The following PMS2 variants were observed in gnomAD, a reference collection of about 807,000 sequenced individuals.
The protein encoded by PMS2 is mismatch repair endonuclease PMS2.
PMS2 carries 69 observed loss-of-function variants against 90.0 expected under a neutral mutation model. The ratio of observed to expected loss-of-function variants is 0.77; its 90% confidence interval spans 0.63 to 0.94. The LOEUF (loss-of-function observed/expected upper bound fraction) is 0.94, where lower values mean the gene tolerates loss of function less well. Among genes scored for constraint, PMS2 ranks in the 40% least tolerant of loss-of-function variants. PMS2 has a pLI of 0.00. For missense variants in PMS2, 966 were observed against 1,040.2 expected, an observed-to-expected ratio of 0.93 and a Z score of 0.98; for synonymous variants, 332 against 375.1, an observed-to-expected ratio of 0.89 and a Z score of 1.33.
chr7:5,972,922 C>G lies in PMS2; in HGVS notation c.*477G>C. The stretch of plus-strand genomic sequence containing the variant: ...GCAGTGGCGCAATCTCGGTTCACTG[C>G]AACCTCCGTCTCCCGGGTTCAAGCG... On this transcript the variant is annotated 3_prime_UTR_variant, in exon 15 of 15. Coordinates refer to ENST00000265849, the MANE Select transcript of PMS2 (RefSeq NM_000535.7). Among the ~76,000 whole-genome samples, 1 of 73,670 alleles carries G rather than the reference C, an allele frequency of 1.4e-5. No homozygotes were observed. The highest frequency in any genetic ancestry group is 2.6e-5 in the Non-Finnish European group (1 of 38,050). 48.3% of individuals were successfully genotyped at this position (73,670 alleles called of 152,430 possible). A position where few individuals can be genotyped will look rare whatever the true frequency, so the allele number is the denominator to read the frequency against.
In PMS2 at chr7:6,005,958, G is replaced by A. The variant is rs878854061; in HGVS notation, c.97C>T (p.Leu33=). The A allele has an allele frequency of 5.6e-6, 9 of 1,610,802 alleles. No individual in the cohort carries two copies. The highest frequency in any genetic ancestry group is 7.6e-6 in the Non-Finnish European group (9 of 1,179,822). Residue 33 remains leucine, a synonymous_variant, in exon 2 of 15, where the codon CTG becomes TTG. Coordinates refer to ENST00000265849, the MANE Select transcript of PMS2 (RefSeq NM_000535.7). ...VHQICSGQVV[L]SLSTAVKELV... ...TCCTTTACCGCAGTGCTTAGACTCA[G>A]TACCACCTGCCCAGAGCAAATCTGA...
At chr7:5,999,499 G>A (rs1562680312) in intron 5 of PMS2, among the ~76,000 whole-genome samples, 1 of 152,030 alleles carries the variant, frequency 6.6e-6, no homozygotes, top group Non-Finnish European at 1.5e-5. Flanking sequence ...AATGTGCCAT[G>A]CATCCTGGTA....
Position 5,984,393 on chromosome 7 carries a change from C to T in PMS2, c.2007-1402G>A, listed in dbSNP as rs988659084. Among the ~76,000 whole-genome samples, 2 of 151,830 alleles carry T rather than the reference C, an allele frequency of 1.3e-5. 1 individual carries two copies. Among genetic ancestry groups the T allele is most frequent in the African/African-American group, 4.9e-5 (2 of 41,108 alleles). ...TGACACTGTCATTCTCAGTCCCACA[C>T]AATTAAATCCGGTGAAAATGGATTT... On this transcript the variant is annotated intron_variant, in intron 11 of 14. Transcript: ENST00000265849.
intron 9 of PMS2, among the ~76,000 whole-genome samples, chr7:5,991,152 T>A (rs541254901): frequency 9.9e-5 from 15 of 152,258 alleles, no homozygotes; most frequent in African/African-American, 3.6e-4. Context: ...CATTGGAATA[T>A]AATTCACCTA....
intron 12 of PMS2, among the ~76,000 whole-genome samples, chr7:5,982,293 C>T (rs1286906529): frequency 6.6e-6 from 1 of 152,092 alleles, no homozygotes; most frequent in Non-Finnish European, 1.5e-5. Context: ...GCAAACTCCG[C>T]CTCCCGGGTT....
chr7:6,002,649 A>G lies in PMS2; in HGVS notation c.354-13T>C, dbSNP rs1785236314. The G allele has an allele frequency of 2.5e-6, 4 of 1,607,562 alleles. No individual in the cohort carries two copies. The highest frequency in any genetic ancestry group is 3.4e-6 in the Non-Finnish European group (4 of 1,175,908). On this transcript the variant is annotated splice_polypyrimidine_tract_variant and intron_variant, in intron 4 of 14. Transcript: ENST00000265849. ...AATGGTGACATCGCTGTGAGAGAAT[A>G]CCAGGCATGGTGTGTTCAGTGAGAG...
chr7:5,994,411 A>T (rs551834167), intron 8 of PMS2, among the ~76,000 whole-genome samples: 1 of 151,654 alleles, frequency 6.6e-6, no homozygotes, highest in Admixed American at 6.6e-5. Context: ...ACAACAAAAA[A>T]AACTGTACAC....
chr7:5,993,429 A>ATGT (rs10686447), intron 8 of PMS2, among the ~76,000 whole-genome samples: 143,215 of 147,804 alleles, frequency 0.97, 69,426 homozygotes, highest in African/African-American at 0.99. Context: ...CTGAGGTACA[A>ATGT]TGTGTTGCTA....
chr7:5,984,189 C>T (rs1782608304), intron 11 of PMS2, among the ~76,000 whole-genome samples: 1 of 151,822 alleles, frequency 6.6e-6, no homozygotes, highest in Non-Finnish European at 1.5e-5. Context: ...AAAAGTCACA[C>T]TCCCACCAAT....
chr7:5,983,892 T>C (rs1287746600), intron 11 of PMS2, among the ~76,000 whole-genome samples: 17 of 151,730 alleles, frequency 1.1e-4, no homozygotes, highest in Non-Finnish European at 8.8e-5. Context: ...CCTCAAGTGA[T>C]CCACCTGCCT....
At chr7:6,002,120 C>T in intron 5 of PMS2, 1 of 299,698 alleles carries the variant, frequency 3.3e-6, no homozygotes, top group South Asian at 3.2e-5. Context: ...GCCTCAAGTT[C>T]CTGGGCTCAA....
At chr7:5,983,960 T>C (rs1260209061) in intron 11 of PMS2, among the ~76,000 whole-genome samples, 1 of 151,892 alleles carries the variant, frequency 6.6e-6, no homozygotes, top group African/African-American at 2.4e-5. Context: ...CCTACTTCAT[T>C]CTTTTTAATG....
At chr7:6,003,287 C>A (rs1785310487) in intron 4 of PMS2, 1 of 137,050 alleles carries the variant, frequency 7.3e-6, no homozygotes, top group Admixed American at 7.7e-5. Context: ...AAGAGAGACT[C>A]TGTCTAAAAA....
intron 10 of PMS2, 121 bp from the exon 11 acceptor site, chr7:5,987,741 C>T (rs1315245570): frequency 2.9e-6 from 3 of 1,036,264 alleles, no homozygotes; most frequent in East Asian, 2.4e-5. Flanking sequence ...CAGATGAACA[C>T]AGTTCAATGT....
intron 8 of PMS2, 47 bp from the exon 9 acceptor site, chr7:5,992,104 C>T (rs2128756869): frequency 1.0e-6 from 1 of 957,832 alleles, no homozygotes; most frequent in South Asian, 1.3e-5. Flanking sequence ...CAAATGTTCC[C>T]AGCCCCCCGC....
chr7:5,986,812 C>A lies in PMS2; in HGVS notation c.1953G>T (p.Lys651Asn), dbSNP rs1488971334. The stretch of plus-strand genomic sequence containing the variant: ...CTGCTTGATTTTCTCCAGGACAAAT[C>A]TTTGCCCTAAACTTCCTGTAATTCT... Reference protein sequence around the residue: ...GEQNYRKFRAKICPGENQAAE... With the variant: ...GEQNYRKFRANICPGENQAAE... The change falls in exon 11 of 15, where the codon AAG (lysine) becomes AAT (asparagine). Residue 651 changes from lysine (K) to asparagine (N), a missense_variant. Transcript: ENST00000265849. 7.4e-6 allele frequency: 12 copies of A among 1,612,454 alleles called. No homozygotes were observed. Among genetic ancestry groups the A allele is most frequent in the African/African-American group, 1.3e-5 (1 of 74,834 alleles).
intron 10 of PMS2, among the ~76,000 whole-genome samples, chr7:5,988,591 C>T (rs1208801555): frequency 6.6e-6 from 1 of 152,110 alleles, no homozygotes; most frequent in African/African-American, 2.4e-5. Flanking sequence ...CCTATCTATG[C>T]TCGTCAAAAA....
chr7:5,990,008 TTTATTAA>T, intron 9 of PMS2, 53 bp from the exon 10 acceptor site: 2 of 1,202,966 alleles, frequency 1.7e-6, no homozygotes, highest in South Asian at 2.9e-5. Flanking sequence ...TTTTATTTTA[TTTATTAA>T]TTATTATTTT....
At chr7:5,991,672 T>C (rs1438443000) in intron 9 of PMS2, among the ~76,000 whole-genome samples, 1 of 151,832 alleles carries the variant, frequency 6.6e-6, no homozygotes, top group Non-Finnish European at 1.5e-5. Context: ...ACCCTGTCTC[T>C]ACTAAAAATA....
Sources: gnomAD v4.1 joint callset for allele counts (sites outside exome capture counted in the v4.1 genomes callset) on GRCh38, gnomAD v4.1.1 for gene constraint, MANE v1.5 for transcripts, NCBI Gene and HGNC (gene_info 2026-07-23, HGNC 2026-07-21) for gene names.